The following SGCZ variants were observed in gnomAD, a reference collection of about 807,000 sequenced individuals.
SGCZ encodes sarcoglycan zeta.
Under a neutral mutation model 41.3 loss-of-function variants are expected in SGCZ, and 40 were observed. The ratio of observed to expected loss-of-function variants is 0.97; its 90% confidence interval spans 0.75 to 1.26. The LOEUF (loss-of-function observed/expected upper bound fraction) is 1.26, where lower values mean the gene tolerates loss of function less well. SGCZ is among the 50% of genes most tolerant of loss of function. The probability of loss-of-function intolerance (pLI) is 0.00; values close to 1 mark genes in which losing one functional copy is unlikely to be tolerated. For synonymous variants in SGCZ, 206 were observed against 137.5 expected (o/e 1.50, Z -3.49); for missense variants, 552 against 369.8 (o/e 1.49, Z -4.04).
At chr8:15,212,616 G>C (rs1801269511) in intron 1 of SGCZ, among the ~76,000 whole-genome samples, 1 of 152,014 alleles carries the variant, frequency 6.6e-6, no homozygotes. Context: ...CAATGATTTT[G>C]AATATAGAGG....
At chr8:14,411,572 G>T (rs1799361387) in intron 2 of SGCZ, among the ~76,000 whole-genome samples, 1 of 151,942 alleles carries the variant, frequency 6.6e-6, no homozygotes, top group Non-Finnish European at 1.5e-5. Context: ...TACTTCCAAA[G>T]TACCTCCCCA....
At chr8:14,553,179 G>C (rs1803925417) in intron 2 of SGCZ, among the ~76,000 whole-genome samples, 1 of 152,014 alleles carries the variant, frequency 6.6e-6, no homozygotes, top group East Asian at 1.9e-4. Flanking sequence ...GGCAGGAGCA[G>C]AGCTGAGAAC....
chr8:14,589,957 A>T (rs1196679993), intron 1 of SGCZ, among the ~76,000 whole-genome samples: 1 of 152,122 alleles, frequency 6.6e-6, no homozygotes, highest in South Asian at 2.1e-4. Flanking sequence ...CAGTTTTAAG[A>T]GCAATTTGAT....
chr8:14,226,356 C>T (rs1806372780), intron 4 of SGCZ, among the ~76,000 whole-genome samples: 3 of 152,154 alleles, frequency 2.0e-5, no homozygotes, highest in Middle Eastern at 3.4e-3. Flanking sequence ...GTTCATCACC[C>T]TCAGAAAACT....
At chr8:15,036,629 T>C (rs1484193698) in intron 1 of SGCZ, among the ~76,000 whole-genome samples, 2 of 152,156 alleles carry the variant, frequency 1.3e-5, no homozygotes, top group Admixed American at 1.3e-4. Context: ...GAGGAACTAA[T>C]GGCCTCATTG....
At chr8:15,180,835 C>A (rs903284293) in intron 1 of SGCZ, among the ~76,000 whole-genome samples, 12 of 150,656 alleles carry the variant, frequency 8.0e-5, no homozygotes, top group Non-Finnish European at 3.0e-5. Context: ...TGCAGTGAGC[C>A]GAGATCATGC....
Position 14,454,402 on chromosome 8 carries a change from C to A in SGCZ, c.234+100330G>T, listed in dbSNP as rs945829121. The stretch of plus-strand genomic sequence containing the variant: ...AAACTGTATTTAGTTCAGGAAAAAA[C>A]CTTCACTGAAAATATTTGATAGTCA... On this transcript the variant is annotated intron_variant, in intron 2 of 7. Coordinates refer to ENST00000382080, the MANE Select transcript of SGCZ (RefSeq NM_139167.4). 2.6e-5 allele frequency among the ~76,000 whole-genome samples: 4 copies of A among 152,130 alleles called. No individual in the cohort carries two copies. The South Asian group carries it at 6.2e-4, about 24-fold the overall frequency.
chr8:14,637,910 G>T (rs548832140), intron 1 of SGCZ, among the ~76,000 whole-genome samples: 1 of 151,696 alleles, frequency 6.6e-6, no homozygotes, highest in Non-Finnish European at 1.5e-5. Context: ...CTTTTCACAG[G>T]GGCTAATTTA....
chr8:14,851,301 A>G (rs1006780434), intron 1 of SGCZ, among the ~76,000 whole-genome samples: 19 of 142,834 alleles, frequency 1.3e-4, no homozygotes, highest in East Asian at 4.5e-4. Context: ...CCTGGGAGGC[A>G]GAGCTTGCAG....
intron 4 of SGCZ, among the ~76,000 whole-genome samples, chr8:14,236,071 C>G (rs1363902899): frequency 2.6e-5 from 4 of 152,176 alleles, no homozygotes; most frequent in African/African-American, 9.7e-5. Context: ...CTGAAGAGTT[C>G]TCAACTTTAA....
At chr8:14,939,898 T>C (rs1800212311) in intron 1 of SGCZ, among the ~76,000 whole-genome samples, 1 of 152,158 alleles carries the variant, frequency 6.6e-6, no homozygotes. Context: ...CAAGTATTCA[T>C]CACTTCCTTC....
chr8:14,941,047 A>G (rs943640721), intron 1 of SGCZ, among the ~76,000 whole-genome samples: 1 of 152,100 alleles, frequency 6.6e-6, no homozygotes, highest in African/African-American at 2.4e-5. Flanking sequence ...TACTAAATAG[A>G]CAGGCAACAA....
chr8:15,047,114 C>T (rs1289231823), intron 1 of SGCZ, among the ~76,000 whole-genome samples: 2 of 151,970 alleles, frequency 1.3e-5, no homozygotes, highest in Admixed American at 1.3e-4. Flanking sequence ...CCTCCTGCAT[C>T]CTTACCTTGG....
At chr8:15,079,109 C>T (rs536618813) in intron 1 of SGCZ, among the ~76,000 whole-genome samples, 4 of 152,242 alleles carry the variant, frequency 2.6e-5, no homozygotes, top group African/African-American at 9.6e-5. Context: ...AGATCCGTAA[C>T]TTTTACATTG....
chr8:14,439,251 T>A (rs1273435567), intron 2 of SGCZ, among the ~76,000 whole-genome samples: 1 of 150,906 alleles, frequency 6.6e-6, no homozygotes, highest in Non-Finnish European at 1.5e-5. Flanking sequence ...TTTTAGGAGT[T>A]TTTGGCTTGG....
chr8:14,226,281 C>T (rs184667500), intron 4 of SGCZ, among the ~76,000 whole-genome samples: 1 of 152,062 alleles, frequency 6.6e-6, no homozygotes, highest in African/African-American at 2.4e-5. Context: ...TCGGTGTATA[C>T]TTCTGTGAAT....
At chr8:14,807,243 G>A (rs1478535148) in intron 1 of SGCZ, among the ~76,000 whole-genome samples, 2 of 152,060 alleles carry the variant, frequency 1.3e-5, no homozygotes, top group African/African-American at 2.4e-5. Flanking sequence ...AATTAGGCAG[G>A]AGAAAGAAAT....
intron 5 of SGCZ, among the ~76,000 whole-genome samples, chr8:14,155,590 C>G (rs1327319469): frequency 6.6e-6 from 1 of 151,796 alleles, no homozygotes; most frequent in East Asian, 1.9e-4. Flanking sequence ...CCTATGATTT[C>G]TTGTACATTT....
rs577985923 is a variant in SGCZ, at chr8:15,163,219, C to T, written c.39+74366G>A. Among the ~76,000 whole-genome samples the T allele has an allele frequency of 3.3e-5, 5 of 152,260 alleles. No homozygotes were observed. The South Asian group carries it at 8.3e-4, about 25-fold the overall frequency. ...TACTTATATAACATTTATCATGTGTCGGCCACCGTTTTAAACACTTTACAA... is the reference window on the plus strand; with the variant it reads ...TACTTATATAACATTTATCATGTGTTGGCCACCGTTTTAAACACTTTACAA... On this transcript the variant is annotated intron_variant, in intron 1 of 7. Transcript: ENST00000382080.
Sources: allele counts gnomAD v4.1 joint callset (sites outside exome capture counted in the v4.1 genomes callset), GRCh38; gene constraint gnomAD v4.1.1; transcripts MANE v1.5; gene names NCBI Gene and HGNC (gene_info 2026-07-23, HGNC 2026-07-21).